Variants in ZNF362 observed in about 807,000 individuals in gnomAD.
ZNF362 encodes rotund homolog.
Under a neutral mutation model 42.9 loss-of-function variants are expected in ZNF362, and 11 were observed. That is an observed-to-expected ratio of 0.26 (90% confidence interval 0.16 to 0.42). ZNF362 has a LOEUF of 0.42. ZNF362 is among the 20% of genes least tolerant of loss of function. ZNF362 has a pLI of 1.00. For synonymous variants in ZNF362, 255 were observed against 257.3 expected, an observed-to-expected ratio of 0.99 and a Z score of 0.09; for missense variants, 362 against 576.2, an observed-to-expected ratio of 0.63 and a Z score of 3.81.
intron 6 of ZNF362, among the ~76,000 whole-genome samples, chr1:33,287,580 C>G (rs369684461): frequency 6.6e-6 from 1 of 152,192 alleles, no homozygotes; most frequent in African/African-American, 2.4e-5. Flanking sequence ...TAGAACTAGA[C>G]AGAGTGACTC....
the ZNF362 span, among the ~76,000 whole-genome samples, chr1:33,132,018 C>T: frequency 1.4e-3 from 213 of 152,266 alleles, no homozygotes; most frequent in Non-Finnish European, 2.5e-3. Context: ...GAGGGGCCTT[C>T]GCAGCAGAGC....
intron 2 of ZNF362, among the ~76,000 whole-genome samples, chr1:33,275,691 A>T (rs902094037): frequency 6.6e-6 from 1 of 152,000 alleles, no homozygotes; most frequent in African/African-American, 2.4e-5. Flanking sequence ...GCATTTACAA[A>T]TTTGCTGCAG....
the ZNF362 span, among the ~76,000 whole-genome samples, chr1:33,189,722 T>TATATATATATATATATATATATAC: frequency 4.2e-4 from 43 of 102,928 alleles, 1 homozygote; most frequent in South Asian, 3.2e-3. Context: ...TATATATACA[T>TATATATATATATATATATATATAC]ACACACATAC....
chr1:33,208,530 A>G, the ZNF362 span, among the ~76,000 whole-genome samples: 7 of 151,928 alleles, frequency 4.6e-5, no homozygotes, highest in African/African-American at 1.7e-4. Context: ...CAGTATGGCC[A>G]TTTTCACGAT....
chr1:33,145,843 C>A, the ZNF362 span: 1 of 470,932 alleles, frequency 2.1e-6, no homozygotes, highest in East Asian at 6.9e-5. Flanking sequence ...CTTGCTCCAC[C>A]CACCCTAACT....
At chr1:33,188,002 G>A in the ZNF362 span, among the ~76,000 whole-genome samples, 2 of 152,164 alleles carry the variant, frequency 1.3e-5, no homozygotes, top group African/African-American at 4.8e-5. Context: ...TTGGGAGGCC[G>A]AGACGGGCAG....
the ZNF362 span, among the ~76,000 whole-genome samples, chr1:33,203,643 TC>T: frequency 1.3e-5 from 2 of 152,140 alleles, no homozygotes; most frequent in African/African-American, 4.8e-5. Flanking sequence ...TTATCTCTCA[TC>T]TTTTTGATAA....
chr1:33,209,510 C>G, the ZNF362 span, among the ~76,000 whole-genome samples: 1 of 152,172 alleles, frequency 6.6e-6, no homozygotes, highest in African/African-American at 2.4e-5. Context: ...ACCAGCTCTT[C>G]TTTGTACCTC....
At chr1:33,274,680 C>T (rs1411890765) in intron 2 of ZNF362, among the ~76,000 whole-genome samples, 1 of 152,170 alleles carries the variant, frequency 6.6e-6, no homozygotes, top group African/African-American at 2.4e-5. Flanking sequence ...GATATTGAGC[C>T]ATTTGCATAT....
At chr1:33,189,684 C>CACACATATATAT in the ZNF362 span, among the ~76,000 whole-genome samples, 102 of 20,452 alleles carry the variant, frequency 5.0e-3, 1 homozygote, top group African/African-American at 0.01. Context: ...TATATATATA[C>CACACATATATAT]GTATATATAT....
the ZNF362 span, among the ~76,000 whole-genome samples, chr1:33,206,640 C>T: frequency 6.6e-6 from 1 of 151,916 alleles, no homozygotes; most frequent in East Asian, 1.9e-4. Context: ...ATTATAAAAA[C>T]GAAAAGACAA....
chr1:33,149,984 G>A, the ZNF362 span, among the ~76,000 whole-genome samples: 2 of 152,194 alleles, frequency 1.3e-5, no homozygotes, highest in Admixed American at 6.5e-5. Context: ...GGTGGCATGG[G>A]CTGCATCACC....
At chr1:33,214,884 G>A in the ZNF362 span, among the ~76,000 whole-genome samples, 6 of 152,290 alleles carry the variant, frequency 3.9e-5, no homozygotes, top group South Asian at 6.2e-4. Context: ...GGGAACCCTC[G>A]TACACTGTTG....
the ZNF362 span, among the ~76,000 whole-genome samples, chr1:33,133,553 T>C: frequency 6.6e-6 from 1 of 152,066 alleles, no homozygotes; most frequent in Admixed American, 6.5e-5. Flanking sequence ...GCAGAGTGGA[T>C]GAGGAGAGCA....
chr1:33,160,666 A>C, the ZNF362 span, among the ~76,000 whole-genome samples: 1 of 152,124 alleles, frequency 6.6e-6, no homozygotes, highest in East Asian at 1.9e-4. Flanking sequence ...TGGCCTCCCA[A>C]AGTGCTGGGA....
intron 1 of ZNF362, among the ~76,000 whole-genome samples, chr1:33,270,047 G>A (rs1645890722): frequency 6.6e-6 from 1 of 152,168 alleles, no homozygotes; most frequent in South Asian, 2.1e-4. Context: ...AACCTCTCTG[G>A]ACCTCAGTTT....
chr1:33,145,073 G>A, the ZNF362 span, among the ~76,000 whole-genome samples: 3 of 152,180 alleles, frequency 2.0e-5, no homozygotes, highest in South Asian at 2.1e-4. Context: ...TGTGGTTCCC[G>A]AGACCAGGCT....
chr1:33,292,558 T>C (rs1238734489), intron 6 of ZNF362, among the ~76,000 whole-genome samples: 3 of 152,242 alleles, frequency 2.0e-5, no homozygotes, highest in Non-Finnish European at 4.4e-5. Flanking sequence ...TGCCAGGCTT[T>C]GGTATCAGGA....
chr1:33,159,272 A>T, the ZNF362 span, among the ~76,000 whole-genome samples: 1 of 152,190 alleles, frequency 6.6e-6, no homozygotes, highest in Non-Finnish European at 1.5e-5. This position sits in a 1 kb window ranked among gnomAD's most constrained non-coding sequence, Gnocchi z 4.2. Context: ...TCATAAATAA[A>T]ATAATATGTA....
Sources: gnomAD v4.1 joint callset for allele counts (sites outside exome capture counted in the v4.1 genomes callset) on GRCh38, gnomAD v4.1.1 for gene constraint, Gnocchi (gnomAD v3.1) non-coding constraint, MANE v1.5 for transcripts, NCBI Gene and HGNC (gene_info 2026-07-23, HGNC 2026-07-21) for gene names.